The following PTPRB variants were observed in gnomAD, a reference collection of about 807,000 sequenced individuals.
PTPRB encodes receptor-type tyrosine-protein phosphatase beta.
A neutral mutation model predicts 238.1 loss-of-function variants in PTPRB; 97 were observed. That is an observed-to-expected ratio of 0.41 (90% CI 0.35 to 0.48). The LOEUF is 0.48. Ranked by LOEUF, PTPRB falls within the 20% of genes least tolerant of loss-of-function variation. The pLI is 0.30. For missense variants in PTPRB, 2,292 were observed against 2,681.9 expected (o/e 0.85, Z 3.21); for synonymous variants, 970 against 995.4 (o/e 0.97, Z 0.48).
At chr12:70,616,847 T>C (rs779113918) in intron 3 of PTPRB, among the ~76,000 whole-genome samples, 13 of 152,200 alleles carry the variant, frequency 8.5e-5, no homozygotes, top group Non-Finnish European at 1.5e-4. Flanking sequence ...GTATTTTATG[T>C]GCATATGATT....
At chr12:70,539,418 T>C in intron 26 of PTPRB, 1 of 582,662 alleles carries the variant, frequency 1.7e-6, no homozygotes, top group South Asian at 2.3e-5. Flanking sequence ...TGGTTTGCTG[T>C]GTTATTCTGG....
chr12:70,533,921 A>C (rs1278641019), intron 31 of PTPRB, among the ~76,000 whole-genome samples: 1 of 152,186 alleles, frequency 6.6e-6, no homozygotes. Context: ...ATGACAGATA[A>C]ATTTCTATTA....
intron 9 of PTPRB, among the ~76,000 whole-genome samples, chr12:70,581,610 C>T (rs931834570): frequency 6.6e-6 from 1 of 151,908 alleles, no homozygotes; most frequent in Non-Finnish European, 1.5e-5. Context: ...TTTTTGAAAA[C>T]TGCTTAGTTA....
chr12:70,540,272 T>TG, intron 23 of PTPRB: 1 of 385,370 alleles, frequency 2.6e-6, no homozygotes, highest in African/African-American at 2.0e-5. Flanking sequence ...TTATAATCAC[T>TG]TCCCACATTC....
chr12:70,532,762 C>T (rs1257650039), intron 31 of PTPRB, among the ~76,000 whole-genome samples: 1 of 152,020 alleles, frequency 6.6e-6, no homozygotes, highest in Non-Finnish European at 1.5e-5. Flanking sequence ...TCACCTCAGC[C>T]TCCTGAGTAG....
chr12:70,569,406 C>T (rs370091415), intron 14 of PTPRB, among the ~76,000 whole-genome samples: 2 of 152,216 alleles, frequency 1.3e-5, no homozygotes, highest in East Asian at 3.9e-4. Context: ...GCCCAGCCTG[C>T]TTGTTAAAAT....
At chr12:70,615,605 C>A (rs1177939134) in intron 3 of PTPRB, among the ~76,000 whole-genome samples, 1 of 152,164 alleles carries the variant, frequency 6.6e-6, no homozygotes, top group East Asian at 1.9e-4. Context: ...TGCAAGTGAG[C>A]CACTCTTCCA....
intron 2 of PTPRB, among the ~76,000 whole-genome samples, chr12:70,624,111 C>T (rs1566021621): frequency 6.6e-6 from 1 of 151,980 alleles, no homozygotes; most frequent in Non-Finnish European, 1.5e-5. Flanking sequence ...ATGGATTTAG[C>T]AAATAAAAAT....
At chr12:70,611,348 G>A (rs893381429) in intron 3 of PTPRB, among the ~76,000 whole-genome samples, 4 of 152,130 alleles carry the variant, frequency 2.6e-5, no homozygotes, top group African/African-American at 9.7e-5. Context: ...GAGTACAGTG[G>A]TGCGATTTCA....
intron 10 of PTPRB, among the ~76,000 whole-genome samples, chr12:70,579,358 G>A (rs1408791680): frequency 1.3e-5 from 2 of 152,126 alleles, no homozygotes; most frequent in Non-Finnish European, 2.9e-5. Context: ...CCAATGGATG[G>A]TGCCAAGAAC....
At position 70,562,897 on chromosome 12, in the gene PTPRB, A is replaced by G. The variant is rs1265215675; in HGVS notation, c.4115T>C (p.Ile1372Thr). The G allele has an allele frequency of 1.5e-5, 24 of 1,613,896 alleles. No homozygotes were observed. Among genetic ancestry groups the G allele is most frequent in the Non-Finnish European group, 1.9e-5 (23 of 1,179,890 alleles). The change falls in exon 16 of 34, where the codon ATT becomes ACT. Residue 1372 changes from isoleucine to threonine, a missense_variant. Coordinates refer to ENST00000334414, the MANE Select transcript of PTPRB (RefSeq NM_001109754.4). ...AGACAGCTCCCCACTGTGAGTTACA[A>G]TCACCATCTTGTACATTCTGCCTTG... is the stretch of plus-strand genomic sequence containing the variant. ...LLQGRMYKMV[I>T]VTHSGELSNE... is the part of the protein sequence containing the mutation.
At chr12:70,544,250 A>T (rs1875618848) in intron 22 of PTPRB, among the ~76,000 whole-genome samples, 1 of 152,066 alleles carries the variant, frequency 6.6e-6, no homozygotes, top group African/African-American at 2.4e-5. Flanking sequence ...AGTGTTTTGT[A>T]GTAACTTATA....
chr12:70,613,632 A>C (rs1036794213), intron 3 of PTPRB, among the ~76,000 whole-genome samples: 1 of 152,046 alleles, frequency 6.6e-6, no homozygotes, highest in Non-Finnish European at 1.5e-5. Flanking sequence ...CAGAGCAATG[A>C]CTTTTGGTAA....
At chr12:70,626,397 G>GCCTGCCTA in intron 2 of PTPRB, among the ~76,000 whole-genome samples, 1 of 149,154 alleles carries the variant, frequency 6.7e-6, no homozygotes, top group African/African-American at 2.5e-5. Context: ...CTGCCTGCCT[G>GCCTGCCTA]CCTGCCTACC....
chr12:70,538,516 A>T, intron 27 of PTPRB: 4 of 459,608 alleles, frequency 8.7e-6, no homozygotes, highest in Non-Finnish European at 1.5e-5. Flanking sequence ...CACTGCTGGA[A>T]TGAATACAAT....
intron 11 of PTPRB, among the ~76,000 whole-genome samples, chr12:70,573,099 T>G (rs1880279253): frequency 6.6e-6 from 1 of 152,204 alleles, no homozygotes; most frequent in Non-Finnish European, 1.5e-5. Context: ...TTTCTTGTCC[T>G]TAACATCAAA....
chr12:70,521,026 A>G lies in PTPRB; in HGVS notation c.*463T>C, dbSNP rs1871598381. ...TAGGACATGTCTGTTGGCTCTCGAG[A>G]TTCATGGGACAGCAATGCAGCAAAT... is the stretch of plus-strand genomic sequence containing the variant. On this transcript the variant is annotated 3_prime_UTR_variant, in exon 34 of 34. Coordinates refer to ENST00000334414, the MANE Select transcript of PTPRB (RefSeq NM_001109754.4). 6.5e-6 allele frequency: 1 copy of G among 153,206 alleles called. No individual in the cohort carries two copies. The highest frequency in any genetic ancestry group is 2.1e-4 in the South Asian group (1 of 4,836). The allele number at this position is 153,206 out of a possible 1,614,324, so 9.5% of individuals were successfully genotyped here. A position where few individuals can be genotyped will look rare whatever the true frequency, so the allele number is the denominator to read the frequency against.
chr12:70,599,964 T>G (rs898199871), intron 4 of PTPRB, among the ~76,000 whole-genome samples: 1 of 142,232 alleles, frequency 7.0e-6, no homozygotes, highest in Non-Finnish European at 1.5e-5. Flanking sequence ...CTGGGCAACA[T>G]AGAAAGACCC....
chr12:70,546,061 T>C (rs536167756), intron 21 of PTPRB, among the ~76,000 whole-genome samples: 3 of 145,878 alleles, frequency 2.1e-5, no homozygotes, highest in Non-Finnish European at 4.5e-5. Flanking sequence ...CACTTGAACA[T>C]GGGAGGTGGA....
Sources: allele counts gnomAD v4.1 joint callset (sites outside exome capture counted in the v4.1 genomes callset), GRCh38; gene constraint gnomAD v4.1.1; transcripts MANE v1.5; gene names NCBI Gene and HGNC (gene_info 2026-07-23, HGNC 2026-07-21).